Variants in LPGAT1 observed in about 807,000 individuals in gnomAD.
LPGAT1 encodes the protein lysophosphatidylglycerol acyltransferase 1, also known as acyl-CoA:lysophosphatidylglycerol acyltransferase 1.
In LPGAT1, 11 loss-of-function variants were observed where a neutral mutation model predicts 47.5. The observed-to-expected ratio is 0.23, with a 90% CI of 0.15 to 0.38. LPGAT1 has a LOEUF of 0.38. LPGAT1 is among the 10% of genes least tolerant of loss of function. The probability of loss-of-function intolerance (pLI) is 1.00; values close to 1 mark genes in which losing one functional copy is unlikely to be tolerated. For synonymous variants in LPGAT1, 138 were observed against 144.2 expected (o/e 0.96, Z 0.31); for missense variants, 293 against 439.0 (o/e 0.67, Z 2.97).
At chr1:211,816,877 A>T (rs2102596817) in intron 2 of LPGAT1, among the ~76,000 whole-genome samples, 1 of 152,310 alleles carries the variant, frequency 6.6e-6, no homozygotes, top group East Asian at 1.9e-4. Flanking sequence ...TTTTTCCCCA[A>T]CACATCATGC....
At chr1:211,783,106 T>TTCATC in intron 5 of LPGAT1, 123 bp downstream of exon 5, 1 of 905,222 alleles carries the variant, frequency 1.1e-6, no homozygotes, top group East Asian at 2.9e-5. Flanking sequence ...AAATTACAGT[T>TTCATC]TCATCTTCTC....
rs190141012 is a variant in LPGAT1, at chr1:211,754,686, T to C, written c.855-3619A>G. ...GGCAAAATGAGTGTTAGTTCCTTACTAGGGATTTGAAAATTATAATGATGC... is the reference window on the plus strand; with the variant it reads ...GGCAAAATGAGTGTTAGTTCCTTACCAGGGATTTGAAAATTATAATGATGC... On this transcript the variant is annotated intron_variant, in intron 6 of 7. Transcript: ENST00000366997. Among the ~76,000 whole-genome samples, 20 of 152,266 alleles carry C rather than the reference T, an allele frequency of 1.3e-4. No homozygotes were observed. In the East Asian group the frequency reaches 3.1e-3, roughly 23 times the overall value.
chr1:211,778,127 G>A (rs1168978192), intron 6 of LPGAT1, among the ~76,000 whole-genome samples: 1 of 152,182 alleles, frequency 6.6e-6, no homozygotes, highest in East Asian at 1.9e-4. Context: ...CGGATCACAA[G>A]GTCAGGAGAT....
intron 2 of LPGAT1, among the ~76,000 whole-genome samples, chr1:211,811,285 C>G (rs917055367): frequency 5.3e-5 from 8 of 152,104 alleles, no homozygotes; most frequent in African/African-American, 1.9e-4. Flanking sequence ...AGGGAGCACC[C>G]AAAAGATAAG....
intron 6 of LPGAT1, among the ~76,000 whole-genome samples, chr1:211,754,711 C>T (rs1451060197): frequency 6.6e-6 from 1 of 152,116 alleles, no homozygotes; most frequent in Non-Finnish European, 1.5e-5. Flanking sequence ...TATAATGATG[C>T]ATACCATTAT....
intron 2 of LPGAT1, among the ~76,000 whole-genome samples, chr1:211,800,818 T>C (rs1659546008): frequency 6.6e-6 from 1 of 152,202 alleles, no homozygotes; most frequent in Admixed American, 6.5e-5. Flanking sequence ...CCTAACAACA[T>C]TAGGACTAAA....
chr1:211,789,328 G>C (rs552052210), intron 3 of LPGAT1, among the ~76,000 whole-genome samples: 50 of 152,224 alleles, frequency 3.3e-4, no homozygotes, highest in African/African-American at 9.9e-4. Context: ...CAAATAACTA[G>C]CTTTTATATT....
intron 2 of LPGAT1, among the ~76,000 whole-genome samples, chr1:211,806,619 A>G (rs1436409608): frequency 3.3e-5 from 5 of 152,340 alleles, no homozygotes; most frequent in East Asian, 3.9e-4. Context: ...GCATCATGCA[A>G]TATACTCATG....
At chr1:211,793,224 T>G in intron 2 of LPGAT1, 34 bp from the exon 3 acceptor site, 4 of 1,360,738 alleles carry the variant, frequency 2.9e-6, no homozygotes, top group Non-Finnish European at 4.2e-6. Flanking sequence ...AGCTGTCATT[T>G]TAAAGATTTT....
intron 2 of LPGAT1, among the ~76,000 whole-genome samples, chr1:211,824,457 G>A (rs114072821): frequency 1.6e-4 from 24 of 152,210 alleles, no homozygotes; most frequent in African/African-American, 5.8e-4. Context: ...TGAGCATCAG[G>A]TAACAAATCA....
chr1:211,829,878 T>TC (rs1308179781), intron 1 of LPGAT1: 19 of 983,880 alleles, frequency 1.9e-5, no homozygotes, highest in Non-Finnish European at 2.2e-5. Flanking sequence ...CCTTTTTTTT[T>TC]TAAGAAAAAA....
chr1:211,800,878 C>T (rs1212775864), intron 2 of LPGAT1, among the ~76,000 whole-genome samples: 1 of 152,230 alleles, frequency 6.6e-6, no homozygotes, highest in Non-Finnish European at 1.5e-5. Context: ...ATTCCCTTCC[C>T]TTCACCCACT....
rs567116069 is a variant in LPGAT1 at position 211,760,134 on chromosome 1, C to T, written c.855-9067G>A. The stretch of plus-strand genomic sequence containing the variant: ...GGCTATGCCTGACTGGGGACATATT[C>T]GTGGAAATCCATCCATGAAGTCTCT... On this transcript the variant is annotated intron_variant, in intron 6 of 7. Coordinates refer to ENST00000366997, the MANE Select transcript of LPGAT1 (RefSeq NM_014873.3). Among the ~76,000 whole-genome samples, 3 of 152,284 alleles carry T rather than the reference C, an allele frequency of 2.0e-5. No individual in the cohort carries two copies. The East Asian group carries it at 5.8e-4, about 29-fold the overall frequency.
In LPGAT1 at chr1:211,747,380, T is replaced by C. The variant is rs1197556394; in HGVS notation, c.*2519A>G. 3.3e-5 allele frequency: 5 copies of C among 152,182 alleles called. No individual in the cohort carries two copies. 9.4% of individuals were successfully genotyped at this position (152,182 alleles called of 1,614,324 possible). ...AGATATTTAAAAAAATTAACTCACA[T>C]ATCTATTGGCATTTGTCACCCTGGA... On this transcript the variant is annotated 3_prime_UTR_variant, in exon 8 of 8. Transcript: ENST00000366997.
intron 6 of LPGAT1, among the ~76,000 whole-genome samples, chr1:211,762,678 C>T (rs1217666861): frequency 1.3e-5 from 2 of 152,046 alleles, no homozygotes; most frequent in African/African-American, 4.8e-5. Context: ...TCCTAATTTT[C>T]AAGAAATGAA....
chr1:211,784,490 C>CAAAAAAA (rs373021672), intron 4 of LPGAT1, among the ~76,000 whole-genome samples: 4 of 112,532 alleles, frequency 3.6e-5, no homozygotes, highest in East Asian at 3.1e-4. Context: ...GACCCTGTCT[C>CAAAAAAA]AAAAAAAAAA....
In LPGAT1 at chr1:211,747,189, G is replaced by A. The variant is rs1222808783; in HGVS notation, c.*2710C>T. 1 of 152,092 alleles carries A rather than the reference G, an allele frequency of 6.6e-6. No individual in the cohort carries two copies. The highest frequency in any genetic ancestry group is 1.5e-5 in the Non-Finnish European group (1 of 68,002). The allele number at this position is 152,092 out of a possible 1,614,324, so 9.4% of individuals were successfully genotyped here. On this transcript the variant is annotated 3_prime_UTR_variant, in exon 8 of 8. Coordinates refer to ENST00000366997, the MANE Select transcript of LPGAT1 (RefSeq NM_014873.3). ...CCCCAGATTGCCATATAAGAATACTGATTCTCTCTTTACCTTCTCTAGTGC... is the reference window on the plus strand; with the variant it reads ...CCCCAGATTGCCATATAAGAATACTAATTCTCTCTTTACCTTCTCTAGTGC...
chr1:211,753,539 T>C (rs757058515), intron 6 of LPGAT1, among the ~76,000 whole-genome samples: 6 of 152,182 alleles, frequency 3.9e-5, no homozygotes, highest in Non-Finnish European at 7.3e-5. Context: ...GCTCCTATTG[T>C]TCTCAGTCTT....
chr1:211,829,909 AG>A, intron 1 of LPGAT1: 10 of 985,190 alleles, frequency 1.0e-5, no homozygotes, highest in Non-Finnish European at 1.2e-5. Flanking sequence ...CTAGAAAAAA[AG>A]CTTACAAGGT....
Sources: allele counts gnomAD v4.1 joint callset (sites outside exome capture counted in the v4.1 genomes callset), GRCh38; gene constraint gnomAD v4.1.1; transcripts MANE v1.5; gene names NCBI Gene and HGNC (gene_info 2026-07-23, HGNC 2026-07-21).